The following TIAM1 variants were observed in gnomAD, a reference collection of about 807,000 sequenced individuals.
The protein encoded by TIAM1 is rho guanine nucleotide exchange factor TIAM1.
A neutral mutation model predicts 163.5 loss-of-function variants in TIAM1; 65 were observed. The ratio of observed to expected loss-of-function variants is 0.40; its 90% CI spans 0.33 to 0.49. The LOEUF is 0.49. Ranked by LOEUF, TIAM1 falls within the 20% of genes least tolerant of loss-of-function variation. TIAM1 has a pLI of 0.77. For missense variants in TIAM1, 1,789 were observed against 2,044.7 expected, an observed-to-expected ratio of 0.87 and a Z score of 2.41; for synonymous variants, 833 against 810.1, an observed-to-expected ratio of 1.03 and a Z score of -0.48.
At chr21:31,245,932 A>G (rs1432358467) in intron 5 of TIAM1, among the ~76,000 whole-genome samples, 1 of 152,100 alleles carries the variant, frequency 6.6e-6, no homozygotes, top group African/African-American at 2.4e-5. Context: ...TTTTAGAATG[A>G]TTCATTACAG....
intron 2 of TIAM1, among the ~76,000 whole-genome samples, chr21:31,456,415 G>T (rs920558523): frequency 6.6e-6 from 1 of 152,214 alleles, no homozygotes; most frequent in Non-Finnish European, 1.5e-5. Context: ...GAGCTTCCTC[G>T]AGCTCCTGTT....
rs754385987 is a variant in TIAM1 at position 31,225,887 on chromosome 21, C to A, written c.1648G>T (p.Val550Phe). ...TAIHSACATA[V>F]ARHHHKEDTL... ...TCTTCCTTGTGGTGGTGCCTCGCGA[C>A]CGCAGTGGCGCAGGCAGAGTGGATG... The change falls in exon 7 of 28, where the codon GTC becomes TTC. Residue 550 changes from valine (V) to phenylalanine (F), a missense_variant. By Grantham distance (50) the Val-to-Phe change is conservative. Transcript: ENST00000541036. The A allele has an allele frequency of 8.1e-6, 13 of 1,614,172 alleles. No homozygotes were observed. The highest frequency in any genetic ancestry group is 1.1e-5 in the Non-Finnish European group (13 of 1,180,034).
At chr21:31,208,355 C>T (rs1267668258) in intron 11 of TIAM1, among the ~76,000 whole-genome samples, 2 of 152,130 alleles carry the variant, frequency 1.3e-5, no homozygotes, top group Admixed American at 6.5e-5. Context: ...TCGGCTTATA[C>T]AAAAAAGCCA....
chr21:31,467,974 T>C (rs1229497541), intron 1 of TIAM1, among the ~76,000 whole-genome samples: 1 of 151,122 alleles, frequency 6.6e-6, no homozygotes, highest in Admixed American at 6.6e-5. Flanking sequence ...TAATCCCAGC[T>C]ACTCAGGAGA....
chr21:31,499,203 G>T (rs192856748), intron 1 of TIAM1, among the ~76,000 whole-genome samples: 1 of 152,154 alleles, frequency 6.6e-6, no homozygotes, highest in East Asian at 1.9e-4. Flanking sequence ...GATGGGGAAG[G>T]TCCTCACCCC....
intron 2 of TIAM1, among the ~76,000 whole-genome samples, chr21:31,321,211 G>A (rs1237366088): frequency 1.3e-5 from 2 of 152,128 alleles, no homozygotes; most frequent in African/African-American, 4.8e-5. Flanking sequence ...TCAGTGCAGG[G>A]ACTGGCCGAA....
chr21:31,465,499 C>T (rs989854416), intron 1 of TIAM1, among the ~76,000 whole-genome samples: 2 of 151,592 alleles, frequency 1.3e-5, no homozygotes, highest in Non-Finnish European at 1.5e-5. Context: ...TGCTTGAGAC[C>T]AAGGCAGGGC....
At chr21:31,208,708 G>A (rs57224434) in intron 11 of TIAM1, among the ~76,000 whole-genome samples, 1 of 152,242 alleles carries the variant, frequency 6.6e-6, no homozygotes, top group East Asian at 1.9e-4. Context: ...AGGCTAATTT[G>A]AGCTGAACTG....
At chr21:31,539,555 G>A (rs747105141) in intron 1 of TIAM1, among the ~76,000 whole-genome samples, 14 of 152,108 alleles carry the variant, frequency 9.2e-5, no homozygotes, top group Non-Finnish European at 1.5e-4. Flanking sequence ...GTGAGCCACC[G>A]CGCCCGGCCG....
intron 2 of TIAM1, among the ~76,000 whole-genome samples, chr21:31,377,751 T>C (rs2076712027): frequency 6.6e-6 from 1 of 152,018 alleles, no homozygotes; most frequent in Non-Finnish European, 1.5e-5. Flanking sequence ...GGGGTCTTCT[T>C]GGATACCACA....
chr21:31,429,922 G>C (rs1937954149), intron 2 of TIAM1, among the ~76,000 whole-genome samples: 3 of 152,130 alleles, frequency 2.0e-5, no homozygotes, highest in African/African-American at 7.2e-5. Context: ...AAGTTGCACA[G>C]GGGGAGCCGG....
intron 1 of TIAM1, among the ~76,000 whole-genome samples, chr21:31,497,249 A>G (rs73345616): frequency 6.6e-6 from 1 of 152,206 alleles, no homozygotes; most frequent in South Asian, 2.1e-4. Flanking sequence ...TTCTCAGAAC[A>G]TATCCCAAGC....
chr21:31,131,046 A>T, intron 23 of TIAM1, 98 bp from the exon 24 acceptor site: 1 of 961,066 alleles, frequency 1.0e-6, no homozygotes, highest in Non-Finnish European at 1.6e-6. Context: ...AGTTATGAAG[A>T]GGACGTTGAG....
intron 12 of TIAM1, among the ~76,000 whole-genome samples, chr21:31,197,586 G>GTC (rs1224821606): frequency 7.0e-6 from 1 of 143,410 alleles, no homozygotes; most frequent in Non-Finnish European, 1.5e-5. Context: ...TTTCACCATA[G>GTC]TCTCGATCTC....
chr21:31,321,513 C>T (rs1293404121), intron 2 of TIAM1, among the ~76,000 whole-genome samples: 1 of 150,936 alleles, frequency 6.6e-6, no homozygotes, highest in Non-Finnish European at 1.5e-5. Flanking sequence ...CCACCATACC[C>T]AGCTAATATT....
intron 2 of TIAM1, among the ~76,000 whole-genome samples, chr21:31,416,094 AG>A (rs2043362056): frequency 1.3e-5 from 2 of 152,138 alleles, no homozygotes; most frequent in Admixed American, 1.3e-4. Flanking sequence ...ACCTTTAAAA[AG>A]GCCTCCATAA....
At position 31,210,743 on chromosome 21, in the gene TIAM1, G is replaced by A. The variant is rs1393920499; in HGVS notation, c.2218-528C>T. Among the ~76,000 whole-genome samples the A allele has an allele frequency of 1.4e-4, 10 of 69,440 alleles. 1 individual carries two copies. Among genetic ancestry groups the A allele is most frequent in the African/African-American group, 8.8e-4 (10 of 11,414 alleles). 45.6% of individuals were successfully genotyped at this position (69,440 alleles called of 152,430 possible). A position where few individuals can be genotyped will look rare whatever the true frequency, so the allele number is the denominator to read the frequency against. On this transcript the variant is annotated intron_variant, in intron 10 of 27. Transcript: ENST00000541036. ...AAAGAAAGAAAGAGAAAGAAGGAAG[G>A]AAGGGAGAAAGAAAGAAAGAAAGAA...
Position 31,390,736 on chromosome 21 carries a change from C to T in TIAM1, c.-368-51314G>A, listed in dbSNP as rs1298360346. Among the ~76,000 whole-genome samples, 4 of 152,150 alleles carry T rather than the reference C, an allele frequency of 2.6e-5. No individual in the cohort carries two copies. In the East Asian group the frequency reaches 7.7e-4, roughly 29 times the overall value. ...GTATATTTTGCTGTTTGATCGAGCC[C>T]AGAGCTTTTTAAATGAACCTATGCC... On this transcript the variant is annotated intron_variant, in intron 2 of 28. Coordinates refer to the TIAM1 transcript ENST00000286827.
At chr21:31,202,381 G>T (rs1020133665) in intron 12 of TIAM1, among the ~76,000 whole-genome samples, 2 of 147,448 alleles carry the variant, frequency 1.4e-5, no homozygotes, top group Non-Finnish European at 3.0e-5. Flanking sequence ...GCAGGATCCT[G>T]TCTCTACAAA....
Sources: allele counts gnomAD v4.1 joint callset (sites outside exome capture counted in the v4.1 genomes callset), GRCh38; gene constraint gnomAD v4.1.1; transcripts MANE v1.5; gene names NCBI Gene and HGNC (gene_info 2026-07-23, HGNC 2026-07-21).